Variants in ARHGEF7 observed in about 807,000 individuals in gnomAD.
The protein encoded by ARHGEF7 is PAK-interacting exchange factor beta.
ARHGEF7 carries 33 observed loss-of-function variants against 109.8 expected under a neutral mutation model. That is an observed-to-expected ratio of 0.30 (90% CI 0.23 to 0.40). ARHGEF7 has a LOEUF of 0.40. ARHGEF7 is among the 10% of genes least tolerant of loss of function. The pLI is 1.00. For missense variants in ARHGEF7, 938 were observed against 1,098.5 expected, an observed-to-expected ratio of 0.85 and a Z score of 2.07; for synonymous variants, 458 against 424.6, an observed-to-expected ratio of 1.08 and a Z score of -0.97.
chr13:111,227,869 C>G (rs961137225), intron 5 of ARHGEF7, among the ~76,000 whole-genome samples: 2 of 152,258 alleles, frequency 1.3e-5, no homozygotes, highest in African/African-American at 4.8e-5. Flanking sequence ...ACCCTTTTCT[C>G]TATCCTCCCA....
chr13:111,284,380 T>C (rs971898139), intron 16 of ARHGEF7, among the ~76,000 whole-genome samples: 1 of 152,162 alleles, frequency 6.6e-6, no homozygotes, highest in African/African-American at 2.4e-5. Flanking sequence ...TTGTTCTGAG[T>C]CTTTGTTTTT....
chr13:111,196,880 G>A (rs186601196), intron 2 of ARHGEF7, among the ~76,000 whole-genome samples: 129 of 152,276 alleles, frequency 8.5e-4, no homozygotes, highest in African/African-American at 3.0e-3. Flanking sequence ...GGATAGTATT[G>A]TAATTTATAC....
intron 4 of ARHGEF7, among the ~76,000 whole-genome samples, chr13:111,211,644 A>G (rs1273859153): frequency 6.6e-6 from 1 of 152,216 alleles, no homozygotes; most frequent in Non-Finnish European, 1.5e-5. Context: ...TGGAATGTGC[A>G]AGACCTCTCT....
Position 111,151,253 on chromosome 13 carries a change from T to G in ARHGEF7, c.166-2652T>G, listed in dbSNP as rs117332016. On this transcript the variant is annotated intron_variant, in intron 1 of 21. Coordinates refer to ENST00000646102, the MANE Select transcript of ARHGEF7 (RefSeq NM_001354046.2). ...CCATAACCCTTTAACCCTTTTCACG[T>G]ATAACACTTAGCAGACATTTTAAAA... Among the ~76,000 whole-genome samples, 148 of 152,368 alleles carry G rather than the reference T, an allele frequency of 9.7e-4. 2 individuals are homozygous for G. In the East Asian group the frequency reaches 0.025, roughly 26 times the overall value.
intron 2 of ARHGEF7, 43 bp from the exon 3 acceptor site, chr13:111,205,246 C>T (rs749725315): frequency 1.3e-6 from 2 of 1,512,244 alleles, no homozygotes; most frequent in Non-Finnish European, 1.8e-6. Flanking sequence ...CTGCACCCAA[C>T]ATAAGACTCT....
chr13:111,277,502 A>G (rs2092555615), intron 12 of ARHGEF7, 85 bp from the exon 13 acceptor site: 2 of 801,100 alleles, frequency 2.5e-6, no homozygotes, highest in Admixed American at 2.0e-5. Context: ...CATAGGGCCT[A>G]GTATAAATAA....
chr13:111,259,082 A>C (rs1378120683), intron 8 of ARHGEF7, among the ~76,000 whole-genome samples: 1 of 152,194 alleles, frequency 6.6e-6, no homozygotes, highest in Admixed American at 6.5e-5. Context: ...TGCACCAGCT[A>C]GATTCCTAAG....
chr13:111,265,441 A>T, intron 8 of ARHGEF7: 1 of 380,208 alleles, frequency 2.6e-6, no homozygotes, highest in South Asian at 1.9e-5. Flanking sequence ...GTTTTTCCTA[A>T]TACTTGTGAC....
chr13:111,160,999 T>C (rs1209649067), intron 2 of ARHGEF7, among the ~76,000 whole-genome samples: 1 of 152,128 alleles, frequency 6.6e-6, no homozygotes, highest in African/African-American at 2.4e-5. Context: ...TCCAAAATGC[T>C]CCAAAATCTG....
rs199606128 is a variant in ARHGEF7, at chr13:111,221,523, CTA to C, written c.670+3651_670+3652del. 2.9e-3 allele frequency among the ~76,000 whole-genome samples: 94 copies of C among 32,292 alleles called. 3 individuals carry two copies. The highest frequency in any genetic ancestry group is 0.012 in the East Asian group (5 of 408). 21.2% of individuals were successfully genotyped at this position (32,292 alleles called of 152,430 possible). On this transcript the variant is annotated intron_variant, in intron 5 of 21. Transcript: ENST00000646102. ...TATATCTATATATATAGATATATAT[CTA>C]TATATATCTATATATAGATACATAT... is the stretch of plus-strand genomic sequence containing the variant.
At chr13:111,127,647 A>AG (rs1310992699) in intron 1 of ARHGEF7, among the ~76,000 whole-genome samples, 3 of 118,842 alleles carry the variant, frequency 2.5e-5, no homozygotes, top group African/African-American at 9.7e-5. Context: ...ACTCTGTTTC[A>AG]GAAAAAAAAA....
At chr13:111,159,256 A>G (rs1379814347) in intron 2 of ARHGEF7, among the ~76,000 whole-genome samples, 3 of 152,186 alleles carry the variant, frequency 2.0e-5, no homozygotes, top group Non-Finnish European at 4.4e-5. Context: ...TTGTGTATAT[A>G]TCCCACATTT....
At chr13:111,287,808 C>T (rs2093086631) in intron 17 of ARHGEF7, among the ~76,000 whole-genome samples, 1 of 152,250 alleles carries the variant, frequency 6.6e-6, no homozygotes, top group East Asian at 1.9e-4. Flanking sequence ...CAGCAGGCAG[C>T]CAGAGTCCGG....
chr13:111,202,435 C>G (rs903657691), intron 2 of ARHGEF7, among the ~76,000 whole-genome samples: 7 of 152,190 alleles, frequency 4.6e-5, no homozygotes, highest in Admixed American at 1.3e-4. Flanking sequence ...ACATGTAGCT[C>G]CTGCTGAGAA....
At chr13:111,207,194 G>C (rs183977702) in intron 3 of ARHGEF7, among the ~76,000 whole-genome samples, 2 of 152,054 alleles carry the variant, frequency 1.3e-5, no homozygotes, top group African/African-American at 4.8e-5. Context: ...ATGGAGGCAG[G>C]GTCTTGCTCT....
rs1366037757 is a variant in ARHGEF7, at chr13:111,239,199, A to G, written c.760-4673A>G. ...CCCTTGACACATGGGGATTATTACAATTCAGGGTGAGATTTGGGTGGGCCA... is the reference window on the plus strand; with the variant it reads ...CCCTTGACACATGGGGATTATTACAGTTCAGGGTGAGATTTGGGTGGGCCA... On this transcript the variant is annotated intron_variant, in intron 6 of 21. Coordinates refer to ENST00000646102, the MANE Select transcript of ARHGEF7 (RefSeq NM_001354046.2). This position sits in a 1 kb window ranked among gnomAD's most constrained non-coding sequence, Gnocchi z 4.3. Among the ~76,000 whole-genome samples the G allele has an allele frequency of 1.3e-5, 2 of 152,230 alleles. No individual in the cohort carries two copies. Among genetic ancestry groups the G allele is most frequent in the Admixed American group, 6.5e-5 (1 of 15,288 alleles).
intron 12 of ARHGEF7, chr13:111,275,990 G>C: frequency 3.0e-6 from 1 of 331,382 alleles, no homozygotes; most frequent in Non-Finnish European, 5.9e-6. Flanking sequence ...GCATGGAGCT[G>C]TATGCGCTTA....
intron 8 of ARHGEF7, among the ~76,000 whole-genome samples, chr13:111,262,887 C>T (rs999736427): frequency 2.0e-5 from 3 of 152,144 alleles, no homozygotes; most frequent in African/African-American, 7.2e-5. Context: ...GCCAGGAGGC[C>T]TGGTGGGAGC....
chr13:111,215,349 G>A (rs972346251), intron 4 of ARHGEF7, among the ~76,000 whole-genome samples: 1 of 148,906 alleles, frequency 6.7e-6, no homozygotes. Flanking sequence ...GTATTTGCCT[G>A]TGTGTCTCTA....
Sources: gnomAD v4.1 joint callset for allele counts (sites outside exome capture counted in the v4.1 genomes callset) on GRCh38, gnomAD v4.1.1 for gene constraint, Gnocchi (gnomAD v3.1) non-coding constraint, MANE v1.5 for transcripts, NCBI Gene and HGNC (gene_info 2026-07-23, HGNC 2026-07-21) for gene names.